KCNC4: variants seen among roughly 807,000 people sequenced by gnomAD.
The protein encoded by KCNC4 is potassium voltage-gated channel subfamily C member 4.
Under a neutral mutation model 42.8 loss-of-function variants are expected in KCNC4, and 23 were observed. The observed-to-expected ratio is 0.54, with a 90% confidence interval of 0.39 to 0.76. The LOEUF (loss-of-function observed/expected upper bound fraction) is 0.76, where lower values mean the gene tolerates loss of function less well. Among genes scored for constraint, KCNC4 ranks in the 30% least tolerant of loss-of-function variants. The probability of loss-of-function intolerance (pLI) is 0.00; values close to 1 mark genes in which losing one functional copy is unlikely to be tolerated. For synonymous variants in KCNC4, 422 were observed against 393.5 expected (o/e 1.07, Z -0.86); for missense variants, 751 against 898.2 (o/e 0.84, Z 2.10).
chr1:110,268,663 G>A (rs1427735389), intron 1 of KCNC4, among the ~76,000 whole-genome samples: 1 of 148,980 alleles, frequency 6.7e-6, no homozygotes, highest in Non-Finnish European at 1.5e-5. Context: ...CCTAGCCTTG[G>A]AATTCTCGGG....
intron 1 of KCNC4, 43 bp from the exon 2 acceptor site, chr1:110,222,921 C>G: frequency 6.7e-7 from 1 of 1,493,850 alleles, no homozygotes; most frequent in African/African-American, 1.4e-5. Flanking sequence ...GCCCATCCAT[C>G]CCTGTCTGAC....
Position 110,223,572 on chromosome 1 carries a change from G to C in KCNC4, c.1287G>C (p.Trp429Cys). 1 of 1,614,030 alleles carries C rather than the reference G, an allele frequency of 6.2e-7. No individual in the cohort carries two copies. The highest frequency in any genetic ancestry group is 2.2e-5 in the East Asian group (1 of 44,884). ...AGAACATCCCCATTGGCTTCTGGTG[G>C]GCTGTGGTCACCATGACGACACTGG... ...DFKNIPIGFW[W>C]AVVTMTTLGY... is the part of the protein sequence containing the mutation. Residue 429 changes from tryptophan (W) to cysteine (C), a missense_variant, in exon 2 of 4, where the codon TGG becomes TGC. By Grantham distance (215) the Trp-to-Cys change is radical. Coordinates refer to ENST00000438661, the MANE Select transcript of KCNC4 (RefSeq NM_001039574.3). The surrounding 1 kb of genome is among the most constrained non-coding windows in gnomAD (Gnocchi z 7.5).
exon 4 of KCNC4, chr1:110,246,612 A>G (rs2101061886): frequency 6.6e-6 from 1 of 151,774 alleles, no homozygotes. Context: ...CCTCCCACAC[A>G]CTCGCACTCC....
chr1:110,212,129 C>A lies in KCNC4; in HGVS notation c.630C>A (p.Pro210=). The change falls in exon 1 of 4, where the codon CCC becomes CCA. Residue 210 remains proline, a synonymous_variant. Transcript: ENST00000438661. The part of the protein sequence containing the change: ...AGSGGCRGWQ[P]RMWALFEDPY... ...CTGGGGGCTGCCGCGGCTGGCAGCC[C>A]CGCATGTGGGCGCTCTTCGAGGATC... 1 of 1,505,798 alleles carries A rather than the reference C, an allele frequency of 6.6e-7. No homozygotes were observed. The highest frequency in any genetic ancestry group is 1.3e-5 in the South Asian group (1 of 77,302). The allele number at this position is 1,505,798 out of a possible 1,614,324, so 93.3% of individuals were successfully genotyped here.
intron 1 of KCNC4, among the ~76,000 whole-genome samples, chr1:110,255,072 A>T (rs1659306735): frequency 6.6e-6 from 1 of 152,238 alleles, no homozygotes; most frequent in Non-Finnish European, 1.5e-5. Flanking sequence ...GATGATTCTC[A>T]TTTAAGACAT....
rs1286502098 is a variant in KCNC4 at position 110,267,529 on chromosome 1, C to T, written n.31-15005C>T. Reference sequence around the variant, plus strand: ...CACACTCCTAAGTACATTTACAATCCGGCTCCTGCTTCCTTCCCTGGCCAG... The same window carrying T: ...CACACTCCTAAGTACATTTACAATCTGGCTCCTGCTTCCTTCCCTGGCCAG... On this transcript the variant is annotated intron_variant and non_coding_transcript_variant, in intron 1 of 2. Coordinates refer to the KCNC4 transcript ENST00000412512. Among the ~76,000 whole-genome samples the T allele has an allele frequency of 3.9e-5, 6 of 152,280 alleles. No individual in the cohort carries two copies. The East Asian group carries it at 5.8e-4, about 15-fold the overall frequency.
intron 1 of KCNC4, among the ~76,000 whole-genome samples, chr1:110,276,126 T>TA (rs1379497950): frequency 6.6e-6 from 1 of 151,854 alleles, no homozygotes; most frequent in Admixed American, 6.6e-5. Context: ...TGTGGAATGA[T>TA]AGACACTGAA....
At position 110,223,946 on chromosome 1, in the gene KCNC4, C is replaced by G; in HGVS notation, c.1615+46C>G. 2 of 1,442,108 alleles carry G rather than the reference C, an allele frequency of 1.4e-6. No homozygotes were observed. The highest frequency in any genetic ancestry group is 1.9e-6 in the Non-Finnish European group (2 of 1,059,382). 89.3% of individuals were successfully genotyped at this position (1,442,108 alleles called of 1,614,324 possible). On this transcript the variant is annotated intron_variant, in intron 2 of 3. Transcript: ENST00000438661. The surrounding 1 kb of genome is among the most constrained non-coding windows in gnomAD (Gnocchi z 7.5). ...GGAAAATCCCTTTTCCCCCAGTGGC[C>G]TAGGGAGTTTCCAAATGGACCTCAG...
At chr1:110,217,043 GTACT>G (rs1657834120) in intron 1 of KCNC4, among the ~76,000 whole-genome samples, 1 of 152,190 alleles carries the variant, frequency 6.6e-6, no homozygotes, top group Non-Finnish European at 1.5e-5. Context: ...CACTTACTGC[GTACT>G]TACCATACAC....
chr1:110,263,013 A>G (rs1659480834), intron 1 of KCNC4, among the ~76,000 whole-genome samples: 1 of 152,236 alleles, frequency 6.6e-6, no homozygotes, highest in Admixed American at 6.5e-5. Flanking sequence ...CTCATTGGTG[A>G]CAGCATGACC....
At chr1:110,267,222 C>T (rs1268520223) in intron 1 of KCNC4, among the ~76,000 whole-genome samples, 1 of 152,186 alleles carries the variant, frequency 6.6e-6, no homozygotes, top group East Asian at 1.9e-4. Context: ...TGCTGCTGGA[C>T]TCCAGGTTGC....
At chr1:110,235,374 G>C (rs867089348), downstream of KCNC4, 1 of 152,226 alleles carries the variant, frequency 6.6e-6, no homozygotes, top group African/African-American at 2.4e-5. Context: ...GGCTGGCCTT[G>C]GAAAAGCTTG....
chr1:110,278,102 G>C (rs564170012), intron 1 of KCNC4, among the ~76,000 whole-genome samples: 1 of 140,586 alleles, frequency 7.1e-6, no homozygotes, highest in Non-Finnish European at 1.5e-5. Flanking sequence ...AGCTATGATC[G>C]CATCACTACC....
At chr1:110,260,203 A>G (rs191683721) in intron 1 of KCNC4, among the ~76,000 whole-genome samples, 300 of 152,370 alleles carry the variant, frequency 2.0e-3, no homozygotes, top group African/African-American at 6.9e-3. Flanking sequence ...TGAACTAGGA[A>G]CAGGGGGGCT....
intron 3 of KCNC4, among the ~76,000 whole-genome samples, chr1:110,229,707 A>G (rs1658598250): frequency 6.6e-6 from 1 of 152,176 alleles, no homozygotes; most frequent in Non-Finnish European, 1.5e-5. Flanking sequence ...GAGCAGGGGT[A>G]CACCTTGCGC....
At position 110,223,327 on chromosome 1, in the gene KCNC4, G is replaced by A; in HGVS notation, c.1042G>A (p.Val348Met). Reference protein sequence around the residue: ...AARDVLGFLRVVRFVRILRIF... With the variant: ...AARDVLGFLRMVRFVRILRIF... ...CCGCGACGTGCTGGGCTTCCTGCGC[G>A]TGGTGCGCTTCGTGCGCATCCTGCG... The change falls in exon 2 of 4, where the codon GTG becomes ATG. Residue 348 changes from valine (V) to methionine (M), a missense_variant. Coordinates refer to ENST00000438661, the MANE Select transcript of KCNC4 (RefSeq NM_001039574.3). This position sits in a 1 kb window ranked among gnomAD's most constrained non-coding sequence, Gnocchi z 7.5. 2 of 1,614,066 alleles carry A rather than the reference G, an allele frequency of 1.2e-6. No homozygotes were observed. The highest frequency in any genetic ancestry group is 1.7e-6 in the Non-Finnish European group (2 of 1,179,986).
chr1:110,223,365 C>G lies in KCNC4; in HGVS notation c.1080C>G (p.Leu360=), dbSNP rs769705307. 6.2e-7 allele frequency: 1 copy of G among 1,613,764 alleles called. No homozygotes were observed. Among genetic ancestry groups the G allele is most frequent in the African/African-American group, 1.3e-5 (1 of 74,956 alleles). ...TGCGCATCCTGCGTATCTTCAAGCT[C>G]ACACGCCACTTCGTGGGGCTACGCG... ...RFVRILRIFK[L]TRHFVGLRVL... The change falls in exon 2 of 4, where the codon CTC becomes CTG. Residue 360 remains leucine (L), a synonymous_variant. Coordinates refer to ENST00000438661, the MANE Select transcript of KCNC4 (RefSeq NM_001039574.3). The surrounding 1 kb of genome is among the most constrained non-coding windows in gnomAD (Gnocchi z 7.5).
In KCNC4 at chr1:110,211,155, G is replaced by T. The variant is rs1344833615; in HGVS notation, c.-345G>T. Among the ~76,000 whole-genome samples, 2 of 152,256 alleles carry T rather than the reference G, an allele frequency of 1.3e-5. No homozygotes were observed. Among genetic ancestry groups the T allele is most frequent in the African/African-American group, 2.4e-5 (1 of 41,476 alleles). On this transcript the variant is annotated 5_prime_UTR_variant, in exon 1 of 4. Coordinates refer to ENST00000438661, the MANE Select transcript of KCNC4 (RefSeq NM_001039574.3). The surrounding 1 kb of genome is among the most constrained non-coding windows in gnomAD (Gnocchi z 6.5). ...TGTGCGCTTCCTCGTCTTTGGTCGG[G>T]GTGAAGGCGGGGGCGTGTCCCCGGC...
downstream of KCNC4, among the ~76,000 whole-genome samples, chr1:110,252,539 A>G (rs1659265640): frequency 6.6e-6 from 1 of 152,092 alleles, no homozygotes; most frequent in Admixed American, 6.6e-5. Context: ...AGCACTCAGA[A>G]ATGCTCTCCC....
Sources: allele counts gnomAD v4.1 joint callset (sites outside exome capture counted in the v4.1 genomes callset), GRCh38; gene constraint gnomAD v4.1.1; non-coding constraint Gnocchi (gnomAD v3.1); transcripts MANE v1.5; gene names NCBI Gene and HGNC (gene_info 2026-07-23, HGNC 2026-07-21).